Variants in PRG4 observed in about 807,000 individuals in gnomAD.
PRG4 encodes proteoglycan 4.
A neutral mutation model predicts 91.2 loss-of-function variants in PRG4; 61 were observed. The observed-to-expected ratio is 0.67, with a 90% confidence interval of 0.54 to 0.83. The LOEUF is 0.83. Among genes scored for constraint, PRG4 ranks in the 40% least tolerant of loss-of-function variants. PRG4 has a pLI of 0.00. For synonymous variants in PRG4, 576 were observed against 614.2 expected (o/e 0.94, Z 0.92); for missense variants, 1,564 against 1,714.2 (o/e 0.91, Z 1.55).
chr1:186,306,783 C>G lies in PRG4; in HGVS notation c.1064C>G (p.Pro355Arg). 1 of 1,612,918 alleles carries G rather than the reference C, an allele frequency of 6.2e-7. No homozygotes were observed. The highest frequency in any genetic ancestry group is 8.5e-7 in the Non-Finnish European group (1 of 1,179,498). ...CCCAAGGAGCCCACGCCCACCACTC[C>G]CAAGGAGCCTGCATCTACCACACCC... ...TTPKEPTPTTPKEPASTTPKE... is the reference protein window; with the variant it reads ...TTPKEPTPTTRKEPASTTPKE... The change falls in exon 7 of 13, where the codon CCC becomes CGC. Residue 355 changes from proline to arginine, a missense_variant. Pro to Arg is a moderately radical substitution (Grantham distance 103). Coordinates refer to ENST00000445192, the MANE Select transcript of PRG4 (RefSeq NM_005807.6).
chr1:186,298,604 T>C (rs1480586405), intron 2 of PRG4, among the ~76,000 whole-genome samples: 2 of 151,732 alleles, frequency 1.3e-5, no homozygotes, highest in East Asian at 3.9e-4. Flanking sequence ...GATTCTCCTG[T>C]CTCAGCCTCC....
chr1:186,299,452 A>G (rs1361461563), intron 2 of PRG4, among the ~76,000 whole-genome samples: 1 of 152,230 alleles, frequency 6.6e-6, no homozygotes, highest in Admixed American at 6.5e-5. Context: ...TCTCAGGCTT[A>G]AAATAAGATA....
At chr1:186,301,851 G>A in intron 4 of PRG4, 140 bp downstream of exon 4, 2 of 1,270,096 alleles carry the variant, frequency 1.6e-6, no homozygotes, top group Non-Finnish European at 2.2e-6. Flanking sequence ...TAATAATTTT[G>A]TTTTGTGGAG....
chr1:186,302,447 G>T (rs183331833), intron 4 of PRG4, among the ~76,000 whole-genome samples: 5 of 152,232 alleles, frequency 3.3e-5, no homozygotes, highest in East Asian at 1.9e-4. Flanking sequence ...TTTACCAAAT[G>T]GTTGTTCTTA....
intron 4 of PRG4, among the ~76,000 whole-genome samples, chr1:186,302,276 C>T (rs1656274940): frequency 6.6e-6 from 1 of 152,156 alleles, no homozygotes; most frequent in Admixed American, 6.6e-5. Flanking sequence ...GTCTCTATTC[C>T]AATACATGTG....
At position 186,307,035 on chromosome 1, in the gene PRG4, C is replaced by T. The variant is rs776901504; in HGVS notation, c.1316C>T (p.Thr439Ile). The change falls in exon 7 of 13, where the codon ACC becomes ATC. Residue 439 changes from threonine to isoleucine, a missense_variant. This residue lies in a region of PRG4 where 48 missense variants were observed against 93.0 expected (regional missense o/e 0.52). Coordinates refer to ENST00000445192, the MANE Select transcript of PRG4 (RefSeq NM_005807.6). ...PTTPKEPAPT[T>I]PKKPAPTTPK... Reference sequence around the variant, plus strand: ...ACTCCCAAGGAGCCTGCACCCACCACCCCCAAGAAGCCTGCCCCAACTACC... The same window carrying T: ...ACTCCCAAGGAGCCTGCACCCACCATCCCCAAGAAGCCTGCCCCAACTACC... The T allele has an allele frequency of 2.5e-6, 4 of 1,599,664 alleles. No individual in the cohort carries two copies. Among genetic ancestry groups the T allele is most frequent in the Non-Finnish European group, 2.6e-6 (3 of 1,174,828 alleles).
chr1:186,311,006 T>C (rs1657175342), intron 8 of PRG4, 28 bp from the exon 9 acceptor site: 1 of 1,613,146 alleles, frequency 6.2e-7, no homozygotes, highest in Non-Finnish European at 8.5e-7. Flanking sequence ...ATTCAGCTTG[T>C]AGGCTGATGT....
In PRG4 at chr1:186,312,518, T is replaced by C; in HGVS notation, c.3991+146T>C. 5.7e-6 allele frequency: 5 copies of C among 875,636 alleles called. No homozygotes were observed. In the Admixed American group the frequency reaches 1.4e-4, roughly 24 times the overall value. 54.2% of individuals were successfully genotyped at this position (875,636 alleles called of 1,614,324 possible). ...TGATGAAAAACTCATCCACTTGCCT[T>C]AGTGAATAACCAAAGACCAATACTT... On this transcript the variant is annotated intron_variant, in intron 11 of 12. Coordinates refer to ENST00000445192, the MANE Select transcript of PRG4 (RefSeq NM_005807.6).
intron 12 of PRG4, chr1:186,313,419 A>C (rs185519458): frequency 4.9e-5 from 20 of 409,818 alleles, no homozygotes; most frequent in Non-Finnish European, 7.0e-5. Context: ...AAACTTGGTT[A>C]CTCTTTAATG....
At chr1:186,301,380 C>A (rs1656207099) in intron 3 of PRG4, among the ~76,000 whole-genome samples, 1 of 152,086 alleles carries the variant, frequency 6.6e-6, no homozygotes, top group Admixed American at 6.6e-5. Flanking sequence ...AGAGGAGTTG[C>A]CCTCAGTCAC....
At position 186,306,628 on chromosome 1, in the gene PRG4, G is replaced by A. The variant is rs16825150; in HGVS notation, c.909G>A (p.Lys303=). 267,198 of 1,613,176 alleles carry A rather than the reference G, an allele frequency of 0.17. 23,733 individuals carry two copies. The highest frequency in any genetic ancestry group is 0.29 in the African/African-American group (21,423 of 74,838). The change falls in exon 7 of 13, where the codon AAG becomes AAA. Residue 303 remains lysine (K), a synonymous_variant. Transcript: ENST00000445192. ...NKQTSTDGKE[K]TTSAKETQSI... ...AGACTTCAACTGATGGAAAAGAGAA[G>A]ACTACTTCCGCTAAAGAGACACAAA...
At position 186,307,873 on chromosome 1, in the gene PRG4, G is replaced by A; in HGVS notation, c.2154G>A (p.Lys718=). 2 of 1,588,170 alleles carry A rather than the reference G, an allele frequency of 1.3e-6. No individual in the cohort carries two copies. Among genetic ancestry groups the A allele is most frequent in the Non-Finnish European group, 1.7e-6 (2 of 1,167,948 alleles). Residue 718 remains lysine, a synonymous_variant, in exon 7 of 13, where the codon AAG becomes AAA. Coordinates refer to ENST00000445192, the MANE Select transcript of PRG4 (RefSeq NM_005807.6). ...TPKGTAPTTL[K]EPAPTTPKKP... is the part of the protein sequence containing the mutation. The stretch of plus-strand genomic sequence containing the variant: ...AAGGGACTGCTCCAACTACCCTCAA[G>A]GAACCTGCACCCACTACTCCCAAGA...
At position 186,304,266 on chromosome 1, in the gene PRG4, A is replaced by G; in HGVS notation, c.469+9A>G. ...AGAGGAAATAACAGAAGGTAGGAAG[A>G]TGACAGATATAATCAAAGGAGCTTT... On this transcript the variant is annotated intron_variant, in intron 5 of 12. Coordinates refer to ENST00000445192, the MANE Select transcript of PRG4 (RefSeq NM_005807.6). 4 of 1,609,556 alleles carry G rather than the reference A, an allele frequency of 2.5e-6. No individual in the cohort carries two copies. The highest frequency in any genetic ancestry group is 3.4e-6 in the Non-Finnish European group (4 of 1,175,888).
At chr1:186,302,346 G>A (rs925326391) in intron 4 of PRG4, among the ~76,000 whole-genome samples, 4 of 152,086 alleles carry the variant, frequency 2.6e-5, no homozygotes, top group Non-Finnish European at 5.9e-5. Flanking sequence ...CTATTTATAG[G>A]TCTTGAAGGA....
Position 186,309,288 on chromosome 1 carries a change from A to T in PRG4, c.3421+148A>T, listed in dbSNP as rs1656994232. The T allele has an allele frequency of 1.6e-5, 13 of 835,708 alleles. No individual in the cohort carries two copies. In the South Asian group the frequency reaches 2.0e-4, roughly 13 times the overall value. 51.8% of individuals were successfully genotyped at this position (835,708 alleles called of 1,614,324 possible). A position where few individuals can be genotyped will look rare whatever the true frequency, so the allele number is the denominator to read the frequency against. On this transcript the variant is annotated intron_variant, in intron 7 of 12. Transcript: ENST00000445192. ...GAAGTTTTACAGCTTCCCTGTAGGT[A>T]AGCAGAGGTGTAATTACAGTAAGCT...
chr1:186,297,076 C>A (rs1184320861), intron 2 of PRG4, 125 bp downstream of exon 2: 35 of 820,752 alleles, frequency 4.3e-5, no homozygotes, highest in South Asian at 4.1e-4. Flanking sequence ...TACTGTACAA[C>A]CTTAAAATAA....
intron 4 of PRG4, among the ~76,000 whole-genome samples, chr1:186,302,935 G>GA (rs1013637127): frequency 1.9e-4 from 29 of 150,042 alleles, no homozygotes; most frequent in East Asian, 3.9e-4. Context: ...GTAGAACTCT[G>GA]AAAAAAAAAT....
chr1:186,309,691 A>AT, intron 7 of PRG4, 102 bp from the exon 8 acceptor site: 1 of 880,396 alleles, frequency 1.1e-6, no homozygotes, highest in Non-Finnish European at 1.9e-6. Flanking sequence ...AGATCTTAGA[A>AT]AAGGTAAACA....
rs139300692 is a variant in PRG4 at position 186,306,328 on chromosome 1, CAAG to C, written c.615_617del (p.Lys205del). 36,026 of 1,587,676 alleles carry C rather than the reference CAAG, an allele frequency of 0.023. 505 individuals carry two copies. Among genetic ancestry groups the C allele is most frequent in the Non-Finnish European group, 0.026 (30,900 of 1,170,112 alleles). On this transcript the variant is annotated inframe_deletion, in exon 7 of 13. Coordinates refer to ENST00000445192, the MANE Select transcript of PRG4 (RefSeq NM_005807.6). ...ATATTTTTTCTCCAGTAAAAGATAA[CAAG>C]AAGAACAGAACTAAAAAGAAACCTA...
Sources: allele counts gnomAD v4.1 joint callset (sites outside exome capture counted in the v4.1 genomes callset), GRCh38; gene constraint gnomAD v4.1.1; regional missense constraint gnomAD v4.1.1; transcripts MANE v1.5; gene names NCBI Gene and HGNC (gene_info 2026-07-23, HGNC 2026-07-21).